PALM2AKAP2: variants seen among roughly 807,000 people sequenced by gnomAD.
PALM2AKAP2 encodes the protein PALM2 and AKAP2 fusion.
In PALM2AKAP2, 37 loss-of-function variants were observed where a neutral mutation model predicts 71.5. That is an observed-to-expected ratio of 0.52 (90% confidence interval 0.40 to 0.68). PALM2AKAP2 has a LOEUF of 0.68. Among genes scored for constraint, PALM2AKAP2 ranks in the 30% least tolerant of loss-of-function variants. The pLI, the probability that PALM2AKAP2 is intolerant of heterozygous loss-of-function variation, is 0.00. For synonymous variants in PALM2AKAP2, 468 were observed against 478.8 expected (o/e 0.98, Z 0.29); for missense variants, 1,224 against 1,191.8 (o/e 1.03, Z -0.40).
At chr9:109,754,327 T>C (rs1828926968) in intron 1 of PALM2AKAP2, among the ~76,000 whole-genome samples, 1 of 152,180 alleles carries the variant, frequency 6.6e-6, no homozygotes. Context: ...TATAACAGAA[T>C]CCAAAAGCTG....
At chr9:109,676,290 G>A (rs1827647304) in intron 1 of PALM2AKAP2, among the ~76,000 whole-genome samples, 1 of 152,130 alleles carries the variant, frequency 6.6e-6, no homozygotes, top group Admixed American at 6.5e-5. Context: ...GAAGAAAATA[G>A]GGAGGAATTA....
intron 1 of PALM2AKAP2, among the ~76,000 whole-genome samples, chr9:110,066,799 T>C (rs1834089791): frequency 6.6e-6 from 1 of 152,084 alleles, no homozygotes; most frequent in Non-Finnish European, 1.5e-5. Context: ...CACTAACATT[T>C]TGGCTATTTT....
intron 1 of PALM2AKAP2, among the ~76,000 whole-genome samples, chr9:109,668,797 T>C (rs548196779): frequency 4.6e-5 from 7 of 152,350 alleles, no homozygotes; most frequent in African/African-American, 1.7e-4. Context: ...TCTCTTTCCA[T>C]TGGTGCCTCC....
chr9:110,068,345 G>A (rs1834129809), intron 1 of PALM2AKAP2, among the ~76,000 whole-genome samples: 1 of 149,272 alleles, frequency 6.7e-6, no homozygotes, highest in Non-Finnish European at 1.5e-5. Flanking sequence ...AAAATAAGGG[G>A]TATGGGTGGT....
At chr9:109,746,080 AG>A (rs1202247388) in intron 1 of PALM2AKAP2, among the ~76,000 whole-genome samples, 2 of 152,176 alleles carry the variant, frequency 1.3e-5, no homozygotes, top group Non-Finnish European at 2.9e-5. Flanking sequence ...ACAGCCCGGG[AG>A]GAACACTTCA....
At chr9:109,899,218 TTCATTGATTCTTAATC>T (rs1251325070) in intron 3 of PALM2AKAP2, among the ~76,000 whole-genome samples, 1 of 152,198 alleles carries the variant, frequency 6.6e-6, no homozygotes, top group African/African-American at 2.4e-5. Context: ...TTGATTCCTT[TTCATTGATTCTTAATC>T]TCATTGAAAA....
chr9:109,985,447 G>A (rs566095555), intron 6 of PALM2AKAP2, among the ~76,000 whole-genome samples: 10 of 151,208 alleles, frequency 6.6e-5, no homozygotes, highest in African/African-American at 1.9e-4. Context: ...GTGAAACCCC[G>A]TCTCTACTAA....
intron 1 of PALM2AKAP2, among the ~76,000 whole-genome samples, chr9:110,117,872 TAG>T (rs56179548): frequency 0.58 from 84,060 of 144,054 alleles, 23,715 homozygotes; most frequent in East Asian, 0.64. Flanking sequence ...TATATATATA[TAG>T]AGAGAGAGAG....
chr9:109,780,175 G>C, upstream of PALM2AKAP2: 1 of 530,748 alleles, frequency 1.9e-6, no homozygotes, highest in Non-Finnish European at 2.4e-6. Flanking sequence ...CCGGGCTAGC[G>C]CGCCCTCCCG....
At chr9:110,051,723 A>G (rs1194941164) in intron 1 of PALM2AKAP2, among the ~76,000 whole-genome samples, 1 of 152,216 alleles carries the variant, frequency 6.6e-6, no homozygotes, top group African/African-American at 2.4e-5. Context: ...CAACGCCAGT[A>G]GAATTGATGC....
chr9:109,686,164 A>G (rs1827803289), intron 1 of PALM2AKAP2, among the ~76,000 whole-genome samples: 1 of 152,126 alleles, frequency 6.6e-6, no homozygotes, highest in African/African-American at 2.4e-5. Flanking sequence ...AAAGTCTTGA[A>G]CTTCTCAAAG....
intron 1 of PALM2AKAP2, among the ~76,000 whole-genome samples, chr9:109,708,107 G>A (rs746235417): frequency 4.6e-5 from 7 of 152,240 alleles, no homozygotes; most frequent in African/African-American, 1.7e-4. Flanking sequence ...GGGCATCATT[G>A]TCATATTTCA....
At chr9:109,991,193 C>T (rs557927991) in intron 6 of PALM2AKAP2, among the ~76,000 whole-genome samples, 7 of 152,040 alleles carry the variant, frequency 4.6e-5, no homozygotes, top group Non-Finnish European at 7.4e-5. Context: ...TTTTCTTCTT[C>T]CTCTAAGAGC....
chr9:109,702,409 G>A (rs1250523667), intron 1 of PALM2AKAP2, among the ~76,000 whole-genome samples: 1 of 152,194 alleles, frequency 6.6e-6, no homozygotes, highest in African/African-American at 2.4e-5. Context: ...ATACTATGCT[G>A]CCATAAAAAA....
In PALM2AKAP2 at chr9:110,029,011, C is replaced by A. The variant is rs1474847510; in HGVS notation, c.582+12972C>A. On this transcript the variant is annotated intron_variant, in intron 7 of 9. Coordinates refer to the PALM2AKAP2 transcript ENST00000302798. ...CAATGTATTTTATTAAGCTTTAAACCAGACAGATGTATATTTTAAGGACTT... is the reference window on the plus strand; with the variant it reads ...CAATGTATTTTATTAAGCTTTAAACAAGACAGATGTATATTTTAAGGACTT... Among the ~76,000 whole-genome samples, 3 of 151,246 alleles carry A rather than the reference C, an allele frequency of 2.0e-5. No homozygotes were observed. In the South Asian group the frequency reaches 6.3e-4, roughly 32 times the overall value.
intron 1 of PALM2AKAP2, among the ~76,000 whole-genome samples, chr9:109,783,829 T>G (rs1248115410): frequency 2.6e-5 from 4 of 152,206 alleles, no homozygotes; most frequent in Non-Finnish European, 5.9e-5. Context: ...TATTTCACCT[T>G]TTGCACATAA....
chr9:109,671,917 A>C (rs1450223881), intron 1 of PALM2AKAP2, among the ~76,000 whole-genome samples: 1 of 152,094 alleles, frequency 6.6e-6, no homozygotes, highest in East Asian at 1.9e-4. Context: ...TTGGTGTATA[A>C]AACTGCTAGT....
chr9:110,171,537 T>G (rs1272190243), exon 4 of PALM2AKAP2: 1 of 152,226 alleles, frequency 6.6e-6, no homozygotes, highest in Admixed American at 6.5e-5. Context: ...TCTGTGCTCT[T>G]GAGTTTTTTA....
chr9:110,098,766 C>T (rs1343292219), intron 1 of PALM2AKAP2, among the ~76,000 whole-genome samples: 2 of 152,190 alleles, frequency 1.3e-5, no homozygotes, highest in African/African-American at 2.4e-5. Context: ...AGAATCGTGA[C>T]GTGACCTAAG....
Sources: gnomAD v4.1 joint callset for allele counts (sites outside exome capture counted in the v4.1 genomes callset) on GRCh38, gnomAD v4.1.1 for gene constraint, MANE v1.5 for transcripts, NCBI Gene and HGNC (gene_info 2026-07-23, HGNC 2026-07-21) for gene names.